SBNO1: variants seen among roughly 807,000 people sequenced by gnomAD.
SBNO1 encodes the protein strawberry notch homolog 1, also known as protein strawberry notch homolog 1.
In SBNO1, 23 loss-of-function variants were observed where a neutral mutation model predicts 173.6. The observed-to-expected ratio is 0.13, with a 90% CI of 0.10 to 0.19. SBNO1 has a LOEUF of 0.19. Among genes scored for constraint, SBNO1 ranks in the 10% least tolerant of loss-of-function variants. The pLI is 1.00. For synonymous variants in SBNO1, 632 were observed against 571.5 expected, an observed-to-expected ratio of 1.11 and a Z score of -1.51; for missense variants, 1,238 against 1,671.2, an observed-to-expected ratio of 0.74 and a Z score of 4.52.
At position 123,345,399 on chromosome 12, in the gene SBNO1, G is replaced by A; in HGVS notation, c.409C>T (p.Pro137Ser). Residue 137 changes from proline (P) to serine (S), a missense_variant, in exon 4 of 32, where the codon CCA (proline) becomes TCA (serine). Physicochemically the swap from Pro to Ser is moderately conservative, Grantham distance 74. This residue lies in a region of SBNO1 where 287 missense variants were observed against 274.1 expected (regional missense o/e 1.05). Transcript: ENST00000602398. ...GAGGTCATGGCATTTCGTACTGTTG[G>A]TGCTGAGACTGACGGGCGTGTGCTT... ...TASTRPSVSA[P>S]TVRNAMTSAP... 5.6e-6 allele frequency: 9 copies of A among 1,614,146 alleles called. No homozygotes were observed. The highest frequency in any genetic ancestry group is 7.6e-6 in the Non-Finnish European group (9 of 1,180,034).
chr12:123,323,424 G>A (rs199547885), intron 16 of SBNO1, among the ~76,000 whole-genome samples: 4 of 151,930 alleles, frequency 2.6e-5, no homozygotes, highest in East Asian at 1.9e-4. Flanking sequence ...GCGCTATCTC[G>A]GCTCACTGCA....
At chr12:123,342,475 A>T (rs193113197) in intron 4 of SBNO1, among the ~76,000 whole-genome samples, 626 of 152,128 alleles carry the variant, frequency 4.1e-3, no homozygotes, top group Non-Finnish European at 6.7e-3. Flanking sequence ...AAAAACCCAA[A>T]ACCTGGGGTT....
intron 16 of SBNO1, 27 bp downstream of exon 16, chr12:123,323,653 C>T: frequency 6.4e-7 from 1 of 1,566,374 alleles, no homozygotes; most frequent in Non-Finnish European, 8.6e-7. Context: ...CGCACCTGGC[C>T]TATTTTTTCT....
intron 16 of SBNO1, among the ~76,000 whole-genome samples, chr12:123,323,049 T>C (rs1205513025): frequency 2.0e-5 from 3 of 152,192 alleles, no homozygotes; most frequent in African/African-American, 4.8e-5. Flanking sequence ...AATCTTTAAA[T>C]CTTTCTGTGC....
At chr12:123,350,279 C>A in intron 2 of SBNO1, 31 bp downstream of exon 2, 1 of 1,610,604 alleles carries the variant, frequency 6.2e-7, no homozygotes, top group Non-Finnish European at 8.5e-7. Context: ...GCGGAAATCA[C>A]TAAGAAAGAG....
intron 29 of SBNO1, 144 bp from the exon 30 acceptor site, chr12:123,303,044 C>T (rs1455737476): frequency 1.9e-5 from 12 of 624,616 alleles, no homozygotes; most frequent in South Asian, 4.3e-5. Flanking sequence ...TGAATCTGAA[C>T]GCCATTTGAA....
At chr12:123,362,465 A>G (rs1474118174) in intron 1 of SBNO1, among the ~76,000 whole-genome samples, 1 of 113,224 alleles carries the variant, frequency 8.8e-6, no homozygotes, top group Non-Finnish European at 1.9e-5. Flanking sequence ...AAAAAAAAAA[A>G]AAAGGATTCT....
chr12:123,351,892 T>C (rs1486831112), intron 1 of SBNO1, among the ~76,000 whole-genome samples: 1 of 152,016 alleles, frequency 6.6e-6, no homozygotes, highest in African/African-American at 2.4e-5. Context: ...AGCTGATGAA[T>C]GGTTAGAGTC....
In SBNO1 at chr12:123,340,786, C is replaced by A. The variant is rs531597284; in HGVS notation, c.651+202G>T. Among the ~76,000 whole-genome samples, 10 of 152,190 alleles carry A rather than the reference C, an allele frequency of 6.6e-5. No homozygotes were observed. The East Asian group carries it at 1.9e-3, about 29-fold the overall frequency. ...CAGTACTGCATGTTAGTGCCACACT[C>A]CATCAATCTGCAAGTTTTAACCACC... is the stretch of plus-strand genomic sequence containing the variant. On this transcript the variant is annotated intron_variant, in intron 5 of 31. Coordinates refer to ENST00000602398, the MANE Select transcript of SBNO1 (RefSeq NM_001167856.3).
rs1384129384 is a variant in SBNO1 at position 123,289,127 on chromosome 12, T to C, written c.*6781A>G. 2.0e-5 allele frequency: 3 copies of C among 152,192 alleles called. No individual in the cohort carries two copies. Among genetic ancestry groups the C allele is most frequent in the Non-Finnish European group, 2.9e-5 (2 of 68,038 alleles). 9.4% of individuals were successfully genotyped at this position (152,192 alleles called of 1,614,324 possible). A position where few individuals can be genotyped will look rare whatever the true frequency, so the allele number is the denominator to read the frequency against. ...CAACCCGTGACTCGTATTTAATTTA[T>C]TTAGAATCTTACAAAAACAAAAAAC... On this transcript the variant is annotated 3_prime_UTR_variant, in exon 32 of 32. Transcript: ENST00000602398.
chr12:123,311,688 TAACC>T (rs1456746506), intron 24 of SBNO1, among the ~76,000 whole-genome samples: 218 of 119,886 alleles, frequency 1.8e-3, no homozygotes, highest in African/African-American at 5.3e-3. Context: ...AATAAACAAG[TAACC>T]TATCTATCTA....
At chr12:123,311,436 C>T (rs909729243) in intron 24 of SBNO1, among the ~76,000 whole-genome samples, 1 of 151,686 alleles carries the variant, frequency 6.6e-6, no homozygotes, top group Non-Finnish European at 1.5e-5. Flanking sequence ...GCGCAGTGCG[C>T]GATCTCAGCT....
chr12:123,322,704 G>A (rs922806215), intron 16 of SBNO1, among the ~76,000 whole-genome samples: 7 of 149,060 alleles, frequency 4.7e-5, no homozygotes, highest in East Asian at 2.1e-4. Flanking sequence ...TCAGGAGTTT[G>A]AGACCAGCCT....
At chr12:123,363,986 C>T (rs1875746395) in intron 1 of SBNO1, 6 of 985,498 alleles carry the variant, frequency 6.1e-6, no homozygotes, top group Non-Finnish European at 7.2e-6. Flanking sequence ...TCTGGATGCT[C>T]GTTATGCCAA....
rs1461189430 is a variant in SBNO1 at position 123,364,729 on chromosome 12, G to C, written c.-29C>G. 1.6e-5 allele frequency: 16 copies of C among 987,252 alleles called. No individual in the cohort carries two copies. Among genetic ancestry groups the C allele is most frequent in the Non-Finnish European group, 1.9e-5 (16 of 830,914 alleles). 61.2% of individuals were successfully genotyped at this position (987,252 alleles called of 1,614,324 possible). A position where few individuals can be genotyped will look rare whatever the true frequency, so the allele number is the denominator to read the frequency against. On this transcript the variant is annotated 5_prime_UTR_variant, in exon 1 of 32. Coordinates refer to ENST00000602398, the MANE Select transcript of SBNO1 (RefSeq NM_001167856.3). ...CCCCGCGGGACCCGGCGCCAGCACA[G>C]CTCCTCCCGGGAGGTGTGAGTTTGA...
intron 4 of SBNO1, among the ~76,000 whole-genome samples, chr12:123,344,514 G>A (rs368023898): frequency 6.6e-6 from 1 of 151,920 alleles, no homozygotes; most frequent in Admixed American, 6.6e-5. Context: ...AACACTTATC[G>A]CCCATTCTTT....
chr12:123,319,187 G>T (rs1264434519), intron 20 of SBNO1, among the ~76,000 whole-genome samples: 1 of 151,924 alleles, frequency 6.6e-6, no homozygotes, highest in Non-Finnish European at 1.5e-5. Context: ...GCCTGGTCTT[G>T]AACTCCTGAC....
intron 7 of SBNO1, 60 bp from the exon 8 acceptor site, chr12:123,331,435 T>C: frequency 6.6e-7 from 1 of 1,507,744 alleles, no homozygotes; most frequent in Non-Finnish European, 9.1e-7. Context: ...GATCAATCTT[T>C]CATACACTGT....
In SBNO1 at chr12:123,294,634, C is replaced by CAAAAAAAAAAAAAAACA. The variant is rs2048560224; in HGVS notation, c.*1273_*1274insTGTTTTTTTTTTTTTTT. On this transcript the variant is annotated 3_prime_UTR_variant, in exon 32 of 32. Transcript: ENST00000602398. Reference sequence around the variant, plus strand: ...TTTTCAATAGTGCAACCTGTGGAAGCAAAAAAAAAAAAAAAAAAAAAAAAA... The same window carrying CAAAAAAAAAAAAAAACA: ...TTTTCAATAGTGCAACCTGTGGAAGCAAAAAAAAAAAAAAACAAAAAAAAAAAAAAAAAAAAAAAAAA... 1 of 59,958 alleles carries CAAAAAAAAAAAAAAACA rather than the reference C, an allele frequency of 1.7e-5. No homozygotes were observed. The highest frequency in any genetic ancestry group is 8.2e-5 in the African/African-American group (1 of 12,268). The allele number at this position is 59,958 out of a possible 1,614,324, so 3.7% of individuals were successfully genotyped here.
Sources: allele counts gnomAD v4.1 joint callset (sites outside exome capture counted in the v4.1 genomes callset), GRCh38; gene constraint gnomAD v4.1.1; regional missense constraint gnomAD v4.1.1; transcripts MANE v1.5; gene names NCBI Gene and HGNC (gene_info 2026-07-23, HGNC 2026-07-21).